The following CHD7 variants were observed in gnomAD, a reference collection of about 807,000 sequenced individuals.
CHD7 encodes the protein ATP-dependent chromatin remodeler CHD7.
A neutral mutation model predicts 307.3 loss-of-function variants in CHD7; 24 were observed. The observed-to-expected ratio is 0.08, with a 90% CI of 0.06 to 0.11. The LOEUF (loss-of-function observed/expected upper bound fraction) is 0.11, where lower values mean the gene tolerates loss of function less well. Among genes scored for constraint, CHD7 ranks in the 10% least tolerant of loss-of-function variants. The pLI, the probability that CHD7 is intolerant of heterozygous loss-of-function variation, is 1.00. For missense variants in CHD7, 3,106 were observed against 3,727.1 expected, an observed-to-expected ratio of 0.83 and a Z score of 4.34; for synonymous variants, 1,363 against 1,349.9, an observed-to-expected ratio of 1.01 and a Z score of -0.21.
At chr8:60,821,711 C>CAT (rs1391896019) in intron 9 of CHD7, 79 bp from the exon 10 acceptor site, 13 of 1,196,666 alleles carry the variant, frequency 1.1e-5, no homozygotes, top group South Asian at 6.8e-5. Flanking sequence ...TATGTATAAA[C>CAT]ATATATATAC....
chr8:60,751,766 A>T (rs533402116), intron 2 of CHD7, among the ~76,000 whole-genome samples: 1 of 152,330 alleles, frequency 6.6e-6, no homozygotes, highest in East Asian at 1.9e-4. Flanking sequence ...ACATGACTGC[A>T]GGAGTGGTGG....
At chr8:60,731,426 G>A (rs1414482557) in intron 1 of CHD7, among the ~76,000 whole-genome samples, 1 of 152,146 alleles carries the variant, frequency 6.6e-6, no homozygotes, top group Non-Finnish European at 1.5e-5. Flanking sequence ...TAAATTTGTG[G>A]GTGGAAGACA....
intron 1 of CHD7, among the ~76,000 whole-genome samples, chr8:60,717,632 C>T (rs987421986): frequency 2.6e-5 from 4 of 152,128 alleles, no homozygotes; most frequent in African/African-American, 9.7e-5. Context: ...ATTGAAGGTT[C>T]ATTATACAGT....
Position 60,851,292 on chromosome 8 carries a change from G to A in CHD7, c.5638G>A (p.Glu1880Lys). Residue 1880 changes from glutamate (E) to lysine (K), a missense_variant, in exon 28 of 38, where the codon GAA becomes AAA. Transcript: ENST00000423902. Reference protein sequence around the residue: ...EFANSPSEDKEESMEIHATGK... With the variant: ...EFANSPSEDKKESMEIHATGK... The stretch of plus-strand genomic sequence containing the variant: ...TGCAAATTCTCCTTCAGAGGATAAG[G>A]AAGAATCCATGGAAATACATGCCAC... The A allele has an allele frequency of 6.4e-7, 1 of 1,559,162 alleles. No homozygotes were observed. The highest frequency in any genetic ancestry group is 8.7e-7 in the Non-Finnish European group (1 of 1,150,512).
chr8:60,834,563 G>C (rs550774627), intron 15 of CHD7, among the ~76,000 whole-genome samples: 1 of 152,102 alleles, frequency 6.6e-6, no homozygotes, highest in African/African-American at 2.4e-5. Flanking sequence ...ACAGCATTTT[G>C]CTCTTTACTC....
chr8:60,756,209 T>C (rs1208853449), intron 2 of CHD7, among the ~76,000 whole-genome samples: 1 of 152,222 alleles, frequency 6.6e-6, no homozygotes, highest in Non-Finnish European at 1.5e-5. Context: ...TTTTGTTGCA[T>C]ATGTAGCCAG....
At chr8:60,841,216 T>C (rs1322611745) in intron 19 of CHD7, among the ~76,000 whole-genome samples, 1 of 152,246 alleles carries the variant, frequency 6.6e-6, no homozygotes, top group Non-Finnish European at 1.5e-5. Flanking sequence ...CTTCCCTGAC[T>C]ACCCTTATCC....
chr8:60,862,589 G>A lies in CHD7; in HGVS notation c.8013G>A (p.Arg2671=), dbSNP rs1426144963. Residue 2671 remains arginine, a synonymous_variant, in exon 37 of 38, where the codon AGG becomes AGA. Transcript: ENST00000423902. ...CGCCTCCAATGAAGGATCTACCCAG[G>A]TGGCTGGAAGAAAATCCTGAATTTG... ...AMAPPMKDLP[R]WLEENPEFAV... 1 of 1,578,600 alleles carries A rather than the reference G, an allele frequency of 6.3e-7. No individual in the cohort carries two copies. Among genetic ancestry groups the A allele is most frequent in the South Asian group, 1.2e-5 (1 of 85,930 alleles).
At chr8:60,722,239 C>T (rs1807944982) in intron 1 of CHD7, among the ~76,000 whole-genome samples, 1 of 152,092 alleles carries the variant, frequency 6.6e-6, no homozygotes, top group South Asian at 2.1e-4. Context: ...CTGGCCCTGC[C>T]CTGTCAAGGA....
intron 8 of CHD7, among the ~76,000 whole-genome samples, chr8:60,819,039 C>T (rs538581422): frequency 5.3e-5 from 8 of 152,180 alleles, no homozygotes; most frequent in Admixed American, 2.0e-4. Context: ...CTGCAACCTC[C>T]GCCTCCCGGG....
At chr8:60,726,725 TG>T (rs1332650801) in intron 1 of CHD7, among the ~76,000 whole-genome samples, 1 of 151,880 alleles carries the variant, frequency 6.6e-6, no homozygotes, top group Non-Finnish European at 1.5e-5. Flanking sequence ...GGGCCCAGAG[TG>T]TTTTGTTGGT....
intron 1 of CHD7, among the ~76,000 whole-genome samples, chr8:60,694,806 G>T (rs1364502514): frequency 6.6e-6 from 1 of 152,222 alleles, no homozygotes. Context: ...GAGGGAGAGG[G>T]GCAGCAGGTT....
At chr8:60,746,832 T>C (rs186487905) in intron 2 of CHD7, among the ~76,000 whole-genome samples, 1 of 152,216 alleles carries the variant, frequency 6.6e-6, no homozygotes. Context: ...GGACATTTCT[T>C]TAATGGAAGT....
intron 1 of CHD7, among the ~76,000 whole-genome samples, chr8:60,726,785 G>A (rs916207914): frequency 6.6e-6 from 1 of 152,172 alleles, no homozygotes; most frequent in East Asian, 1.9e-4. Context: ...TGCATAACTC[G>A]TTGAGCCAGT....
At chr8:60,790,762 C>A (rs1342942806) in intron 3 of CHD7, among the ~76,000 whole-genome samples, 1 of 152,148 alleles carries the variant, frequency 6.6e-6, no homozygotes, top group East Asian at 1.9e-4. Context: ...TGGAGAAAGA[C>A]ACACATATAG....
rs1806275159 is a variant in CHD7, at chr8:60,867,418, A to AGCAC, written c.*1492_*1495dup. 6.6e-6 allele frequency: 1 copy of AGCAC among 152,256 alleles called. No homozygotes were observed. Among genetic ancestry groups the AGCAC allele is most frequent in the South Asian group, 2.1e-4 (1 of 4,834 alleles). The allele number at this position is 152,256 out of a possible 1,614,324, so 9.4% of individuals were successfully genotyped here. A position where few individuals can be genotyped will look rare whatever the true frequency, so the allele number is the denominator to read the frequency against. On this transcript the variant is annotated 3_prime_UTR_variant, in exon 38 of 38. Coordinates refer to ENST00000423902, the MANE Select transcript of CHD7 (RefSeq NM_017780.4). The stretch of plus-strand genomic sequence containing the variant: ...TGTGGAATTGAAACAGACCCACTTA[A>AGCAC]GCACGCACGCGCGCACGCACGGTCT...
chr8:60,702,354 T>C (rs1444034478), intron 1 of CHD7, among the ~76,000 whole-genome samples: 1 of 152,258 alleles, frequency 6.6e-6, no homozygotes, highest in Non-Finnish European at 1.5e-5. Flanking sequence ...TTCTTTCTTG[T>C]TAGACTAGGT....
intron 1 of CHD7, among the ~76,000 whole-genome samples, chr8:60,730,826 C>G (rs1403395469): frequency 6.6e-6 from 1 of 151,590 alleles, no homozygotes; most frequent in African/African-American, 2.4e-5. Context: ...CGCCACTGCA[C>G]TCCAGCCTGG....
intron 1 of CHD7, among the ~76,000 whole-genome samples, chr8:60,693,257 T>C (rs1457428808): frequency 6.6e-6 from 1 of 152,204 alleles, no homozygotes; most frequent in Non-Finnish European, 1.5e-5. Context: ...ACTTGCACGG[T>C]TGGGGAGAGT....
Sources: allele counts gnomAD v4.1 joint callset (sites outside exome capture counted in the v4.1 genomes callset), GRCh38; gene constraint gnomAD v4.1.1; transcripts MANE v1.5; gene names NCBI Gene and HGNC (gene_info 2026-07-23, HGNC 2026-07-21).